NUBPL: variants seen among roughly 807,000 people sequenced by gnomAD.
NUBPL encodes the protein iron-sulfur cluster transfer protein NUBPL.
In NUBPL, 31 loss-of-function variants were observed where a neutral mutation model predicts 45.7. That is an observed-to-expected ratio of 0.68 (90% confidence interval 0.51 to 0.92). The LOEUF (loss-of-function observed/expected upper bound fraction) is 0.92. Among genes scored for constraint, NUBPL ranks in the 40% least tolerant of loss-of-function variants. The probability of loss-of-function intolerance (pLI) is 0.00; values close to 1 mark genes in which losing one functional copy is unlikely to be tolerated. For missense variants in NUBPL, 401 were observed against 398.7 expected, an observed-to-expected ratio of 1.01 and a Z score of -0.05; for synonymous variants, 144 against 140.9, an observed-to-expected ratio of 1.02 and a Z score of -0.15.
chr14:31,636,450 C>A (rs1331792128), intron 4 of NUBPL, among the ~76,000 whole-genome samples: 1 of 151,612 alleles, frequency 6.6e-6, no homozygotes, highest in Non-Finnish European at 1.5e-5. Context: ...CCCACTTGAT[C>A]GTGGTAGATA....
At chr14:31,703,601 A>G (rs2037383898) in intron 6 of NUBPL, among the ~76,000 whole-genome samples, 1 of 151,402 alleles carries the variant, frequency 6.6e-6, no homozygotes, top group Non-Finnish European at 1.5e-5. Flanking sequence ...GTGCAGGGAA[A>G]CTCCCAATTT....
intron 7 of NUBPL, among the ~76,000 whole-genome samples, chr14:31,822,581 A>G (rs551762271): frequency 6.6e-6 from 1 of 152,144 alleles, no homozygotes; most frequent in Non-Finnish European, 1.5e-5. Flanking sequence ...TTCAACAAGG[A>G]TTAGAATTTT....
intron 3 of NUBPL, among the ~76,000 whole-genome samples, chr14:31,573,974 T>G (rs1014214116): frequency 6.6e-6 from 1 of 152,202 alleles, no homozygotes; most frequent in Non-Finnish European, 1.5e-5. Flanking sequence ...TGGAGCATGT[T>G]AAGTGAAGAG....
intron 6 of NUBPL, among the ~76,000 whole-genome samples, chr14:31,736,028 T>C (rs998247778): frequency 3.9e-5 from 6 of 152,140 alleles, no homozygotes; most frequent in African/African-American, 1.2e-4. Flanking sequence ...AGAGGGAGTA[T>C]ATATTACTCA....
At chr14:31,641,336 C>A (rs768113185) in intron 4 of NUBPL, among the ~76,000 whole-genome samples, 1 of 151,924 alleles carries the variant, frequency 6.6e-6, no homozygotes, top group Non-Finnish European at 1.5e-5. Flanking sequence ...TTTTTTCATC[C>A]CTTCTTGGCC....
intron 6 of NUBPL, among the ~76,000 whole-genome samples, chr14:31,706,553 C>T (rs2037457316): frequency 6.6e-6 from 1 of 152,208 alleles, no homozygotes. Context: ...TTTCAGAAGC[C>T]TTTTCCTGTA....
intron 6 of NUBPL, among the ~76,000 whole-genome samples, chr14:31,752,925 C>A (rs1451657637): frequency 6.6e-6 from 1 of 152,080 alleles, no homozygotes; most frequent in East Asian, 1.9e-4. Flanking sequence ...TGGCAATAAA[C>A]AGAGAGAGAG....
chr14:31,596,346 T>G (rs999153298), intron 3 of NUBPL, among the ~76,000 whole-genome samples: 1 of 152,188 alleles, frequency 6.6e-6, no homozygotes, highest in African/African-American at 2.4e-5. Context: ...CTGAGATAGC[T>G]CCTCTGACGC....
At chr14:31,856,508 T>G (rs1246002503) in intron 10 of NUBPL, among the ~76,000 whole-genome samples, 1 of 152,142 alleles carries the variant, frequency 6.6e-6, no homozygotes, top group Non-Finnish European at 1.5e-5. Flanking sequence ...CATTTCAGCA[T>G]TAATTAAAAT....
intron 4 of NUBPL, among the ~76,000 whole-genome samples, chr14:31,616,762 T>C (rs2034912840): frequency 6.6e-6 from 1 of 152,228 alleles, no homozygotes; most frequent in African/African-American, 2.4e-5. Flanking sequence ...TGGGCTCTTT[T>C]TTTGTTCCAT....
At chr14:31,813,144 G>A (rs1041854345) in intron 7 of NUBPL, among the ~76,000 whole-genome samples, 5 of 151,810 alleles carry the variant, frequency 3.3e-5, no homozygotes, top group Non-Finnish European at 7.4e-5. Context: ...TTGCCACCAC[G>A]CCTGGCTAAT....
Position 31,758,692 on chromosome 14 carries a change from A to G in NUBPL, c.514-29088A>G, listed in dbSNP as rs369724207. Among the ~76,000 whole-genome samples, 18 of 152,328 alleles carry G rather than the reference A, an allele frequency of 1.2e-4. No homozygotes were observed. The East Asian group carries it at 2.5e-3, about 21-fold the overall frequency. ...AGAAACACCTTAGAAATAAATGCAT[A>G]GAAGAGATGAGACCATAAAATTATA... is the stretch of plus-strand genomic sequence containing the variant. On this transcript the variant is annotated intron_variant, in intron 6 of 10. Transcript: ENST00000281081.
At chr14:31,713,938 C>T (rs1406156944) in intron 6 of NUBPL, among the ~76,000 whole-genome samples, 2 of 152,188 alleles carry the variant, frequency 1.3e-5, no homozygotes, top group African/African-American at 4.8e-5. Context: ...GTATCTGGTT[C>T]TTAGTCTTTA....
chr14:31,680,878 G>A (rs146085444), intron 6 of NUBPL, among the ~76,000 whole-genome samples: 1 of 152,114 alleles, frequency 6.6e-6, no homozygotes, highest in Non-Finnish European at 1.5e-5. Flanking sequence ...ATCTGCAGTT[G>A]GTTGAATTCA....
chr14:31,779,709 A>G (rs1469781100), intron 6 of NUBPL, among the ~76,000 whole-genome samples: 2 of 152,256 alleles, frequency 1.3e-5, no homozygotes, highest in Non-Finnish European at 2.9e-5. Flanking sequence ...AGTTCAATCT[A>G]CAGATAGATA....
intron 6 of NUBPL, among the ~76,000 whole-genome samples, chr14:31,737,094 TCAATCAATGG>T (rs2038182004): frequency 2.1e-5 from 1 of 47,138 alleles, no homozygotes; most frequent in African/African-American, 2.0e-4. Context: ...GTTGCAGATA[TCAATCAATGG>T]CTTGTAATTT....
intron 8 of NUBPL, among the ~76,000 whole-genome samples, chr14:31,838,148 C>G (rs1350524505): frequency 6.6e-6 from 1 of 151,996 alleles, no homozygotes; most frequent in Non-Finnish European, 1.5e-5. Flanking sequence ...ACTGATGGTA[C>G]CAAAGATCCA....
At position 31,740,158 on chromosome 14, in the gene NUBPL, T is replaced by A. The variant is rs114159947; in HGVS notation, c.514-47622T>A. 5.2e-3 allele frequency among the ~76,000 whole-genome samples: 798 copies of A among 152,344 alleles called. 6 individuals are homozygous for A. Among genetic ancestry groups the A allele is most frequent in the African/African-American group, 0.018 (744 of 41,576 alleles). On this transcript the variant is annotated intron_variant, in intron 6 of 10. Coordinates refer to ENST00000281081, the MANE Select transcript of NUBPL (RefSeq NM_025152.3). The stretch of plus-strand genomic sequence containing the variant: ...GTGTGGATATAAGTTTTCATCTATT[T>A]TGGGTAAATACCAAGAAACATGATT...
At chr14:31,762,920 T>C (rs541788429) in intron 6 of NUBPL, among the ~76,000 whole-genome samples, 44 of 152,328 alleles carry the variant, frequency 2.9e-4, no homozygotes, top group African/African-American at 6.3e-4. Context: ...AAGCCTGAGA[T>C]TGCTGATTGA....
Sources: allele counts gnomAD v4.1 joint callset (sites outside exome capture counted in the v4.1 genomes callset), GRCh38; gene constraint gnomAD v4.1.1; transcripts MANE v1.5; gene names NCBI Gene and HGNC (gene_info 2026-07-23, HGNC 2026-07-21).